The following ZFHX3 variants were observed in gnomAD, a reference collection of about 807,000 sequenced individuals.
The protein encoded by ZFHX3 is zinc finger homeobox protein 3.
ZFHX3 carries 42 observed loss-of-function variants against 279.1 expected under a neutral mutation model. That is an observed-to-expected ratio of 0.15 (90% confidence interval 0.12 to 0.19). The LOEUF is 0.19. Ranked by LOEUF, ZFHX3 falls within the 10% of genes least tolerant of loss-of-function variation. The probability of loss-of-function intolerance (pLI) is 1.00; values close to 1 mark genes in which losing one functional copy is unlikely to be tolerated. For missense variants in ZFHX3, 4,981 were observed against 4,754.0 expected, an observed-to-expected ratio of 1.05 and a Z score of -1.40; for synonymous variants, 2,293 against 1,957.8, an observed-to-expected ratio of 1.17 and a Z score of -4.52.
intron 1 of ZFHX3, among the ~76,000 whole-genome samples, chr16:72,975,189 C>T (rs773731229): frequency 6.6e-6 from 1 of 152,118 alleles, no homozygotes; most frequent in African/African-American, 2.4e-5. Context: ...TACCTGTAAT[C>T]CCAGCACTTT....
At chr16:73,795,897 G>A (rs1264411557) in intron 1 of ZFHX3, among the ~76,000 whole-genome samples, 1 of 152,146 alleles carries the variant, frequency 6.6e-6, no homozygotes, top group Non-Finnish European at 1.5e-5. Flanking sequence ...GCTGGTGTAG[G>A]TTGGACCCTA....
At position 72,793,303 on chromosome 16, in the gene ZFHX3, G is replaced by A. The variant is rs200822522; in HGVS notation, c.9379C>T (p.Pro3127Ser). The change falls in exon 9 of 10, where the codon CCG (proline) becomes TCG (serine). Residue 3127 changes from proline to serine, a missense_variant. By Grantham distance (74) the Pro-to-Ser change is moderately conservative (BLOSUM62 -1). Around this residue, in one of 7 missense-constraint regions of ZFHX3, gnomAD observed 1,034 missense variants for 786.0 expected, o/e 1.32. Coordinates refer to ENST00000268489, the MANE Select transcript of ZFHX3 (RefSeq NM_006885.4). The surrounding 1 kb of genome is among the most constrained non-coding windows in gnomAD (Gnocchi z 4.3). ...GGCAAGGAGGGGCTGTTGAGGCCCG[G>A]GAGCAACACAGGAGGAATGCCCTGG... ...ALQGIPPVLL[P>S]GLNSPSLPGF... 1.4e-4 allele frequency: 218 copies of A among 1,613,980 alleles called. No individual in the cohort carries two copies. The highest frequency in any genetic ancestry group is 3.3e-5 in the Non-Finnish European group (39 of 1,179,990).
intron 2 of ZFHX3, among the ~76,000 whole-genome samples, chr16:72,956,841 A>AC (rs1036985632): frequency 3.3e-5 from 5 of 151,800 alleles, no homozygotes; most frequent in Non-Finnish European, 5.9e-5. Flanking sequence ...CAAAAAAAAA[A>AC]ACATCTCTTT....
At chr16:72,868,842 AT>A (rs1427555010) in intron 4 of ZFHX3, among the ~76,000 whole-genome samples, 1 of 100,050 alleles carries the variant, frequency 1.0e-5, no homozygotes, top group Non-Finnish European at 2.3e-5. Context: ...AAACAACCCT[AT>A]TGTACATACA....
At chr16:73,387,398 A>T (rs1003161964) in intron 3 of ZFHX3, 1 of 152,216 alleles carries the variant, frequency 6.6e-6, no homozygotes, top group Non-Finnish European at 1.5e-5. Context: ...ATCAGACATT[A>T]GGCTTCTTAT....
intron 1 of ZFHX3, among the ~76,000 whole-genome samples, chr16:73,837,841 G>A (rs1333671151): frequency 6.6e-6 from 1 of 152,062 alleles, no homozygotes. Context: ...TCTCCATGTT[G>A]GTCAGGCCGG....
chr16:73,728,730 C>T (rs1185163802), intron 1 of ZFHX3, among the ~76,000 whole-genome samples: 4 of 151,728 alleles, frequency 2.6e-5, no homozygotes, highest in Non-Finnish European at 4.4e-5. Flanking sequence ...AAAAAGAGCC[C>T]CCTGCCTCTG....
At chr16:72,826,814 G>T (rs546972065) in intron 5 of ZFHX3, among the ~76,000 whole-genome samples, 1 of 152,320 alleles carries the variant, frequency 6.6e-6, no homozygotes, top group East Asian at 1.9e-4. Context: ...GTGCTTGAAT[G>T]AATGCATGAG....
intron 3 of ZFHX3, among the ~76,000 whole-genome samples, chr16:73,367,814 T>C (rs920642611): frequency 6.6e-5 from 10 of 151,814 alleles, no homozygotes; most frequent in Non-Finnish European, 8.8e-5. Flanking sequence ...AAACACAAGA[T>C]ACAAGCACGT....
In ZFHX3 at chr16:72,793,472, G is replaced by A; in HGVS notation, c.9210C>T (p.Ala3070=). The A allele has an allele frequency of 6.2e-7, 1 of 1,614,194 alleles. No homozygotes were observed. The highest frequency in any genetic ancestry group is 1.1e-5 in the South Asian group (1 of 91,072). The change falls in exon 9 of 10, where the codon GCC becomes GCT. Residue 3070 remains alanine (A), a synonymous_variant. Coordinates refer to ENST00000268489, the MANE Select transcript of ZFHX3 (RefSeq NM_006885.4). The surrounding 1 kb of genome is among the most constrained non-coding windows in gnomAD (Gnocchi z 4.3). ...GTTGAGCCATCAACTGACGTACGGTGGCTGGGTCAAAGTATTCTTTCTCCT... is the reference window on the plus strand; with the variant it reads ...GTTGAGCCATCAACTGACGTACGGTAGCTGGGTCAAAGTATTCTTTCTCCT... ...LDKEKEYFDP[A]TVRQLMAQQE...
intron 2 of ZFHX3, among the ~76,000 whole-genome samples, chr16:73,634,433 A>C (rs1018577386): frequency 1.7e-5 from 1 of 59,884 alleles, no homozygotes; most frequent in African/African-American, 4.4e-5. Context: ...TATTATGTAT[A>C]ATATATATAT....
intron 3 of ZFHX3, among the ~76,000 whole-genome samples, chr16:73,356,592 C>G (rs1597299018): frequency 6.6e-6 from 1 of 152,028 alleles, no homozygotes; most frequent in African/African-American, 2.4e-5. Context: ...CCGACACTTA[C>G]AAGCTGAGCG....
At position 73,606,180 on chromosome 16, in the gene ZFHX3, TAAAAAAAAAAAAA is replaced by T. The variant is rs35080897; in HGVS notation, c.-1547+73987_-1547+73999del. 4.9e-3 allele frequency among the ~76,000 whole-genome samples: 172 copies of T among 35,218 alleles called. 1 individual carries two copies. The highest frequency in any genetic ancestry group is 0.024 in the African/African-American group (162 of 6,732). The allele number at this position is 35,218 out of a possible 152,430, so 23.1% of individuals were successfully genotyped here. ...CTGGGGGATTGAGCTAGGCTCCATCTAAAAAAAAAAAAAAAAAAAAAAAAAAAAAAAAAAAAAT... is the reference window on the plus strand; with the variant it reads ...CTGGGGGATTGAGCTAGGCTCCATCTAAAAAAAAAAAAAAAAAAAAAAAAT... On this transcript the variant is annotated intron_variant, in intron 2 of 17. Coordinates refer to the ZFHX3 transcript ENST00000641206.
At chr16:73,508,219 G>A (rs2019361589) in intron 2 of ZFHX3, among the ~76,000 whole-genome samples, 1 of 152,266 alleles carries the variant, frequency 6.6e-6, no homozygotes, top group East Asian at 1.9e-4. Flanking sequence ...GAGATGATAG[G>A]CTATGTGCAA....
chr16:73,583,854 A>G (rs1019639373), intron 2 of ZFHX3, among the ~76,000 whole-genome samples: 1 of 152,210 alleles, frequency 6.6e-6, no homozygotes, highest in African/African-American at 2.4e-5. Context: ...GATTCTGATC[A>G]GATTCTGATA....
chr16:73,086,368 C>T (rs1322842361), intron 8 of ZFHX3, among the ~76,000 whole-genome samples: 1 of 152,020 alleles, frequency 6.6e-6, no homozygotes, highest in East Asian at 1.9e-4. Context: ...GTGTATGTCG[C>T]AAAGAAAGGA....
At chr16:72,941,995 G>A (rs1340667206) in intron 3 of ZFHX3, among the ~76,000 whole-genome samples, 1 of 152,166 alleles carries the variant, frequency 6.6e-6, no homozygotes, top group Non-Finnish European at 1.5e-5. Context: ...CAACTGATGT[G>A]TAAAACAGAA....
At chr16:73,103,453 A>G (rs1225478456) in intron 7 of ZFHX3, among the ~76,000 whole-genome samples, 1 of 152,068 alleles carries the variant, frequency 6.6e-6, no homozygotes, top group Non-Finnish European at 1.5e-5. Flanking sequence ...CTCTCCTCCC[A>G]TTGGTGGCCC....
chr16:73,055,692 G>GCACACACACACA (rs1232763125), intron 1 of ZFHX3, among the ~76,000 whole-genome samples: 32 of 95,302 alleles, frequency 3.4e-4, no homozygotes, highest in East Asian at 3.0e-3. Flanking sequence ...GCGCGCGCGC[G>GCACACACACACA]CGCGCGCACA....
Sources: gnomAD v4.1 joint callset for allele counts (sites outside exome capture counted in the v4.1 genomes callset) on GRCh38, gnomAD v4.1.1 for gene constraint, gnomAD v4.1.1 regional missense constraint, Gnocchi (gnomAD v3.1) non-coding constraint, MANE v1.5 for transcripts, NCBI Gene and HGNC (gene_info 2026-07-23, HGNC 2026-07-21) for gene names.